Variants in RBFOX1 observed in about 807,000 individuals in gnomAD.
The protein encoded by RBFOX1 is RNA binding fox-1 homolog 1, also known as RNA binding protein fox-1 homolog 1.
In RBFOX1, 8 loss-of-function variants were observed where a neutral mutation model predicts 57.7. The ratio of observed to expected loss-of-function variants is 0.14; its 90% CI spans 0.08 to 0.25. The LOEUF (loss-of-function observed/expected upper bound fraction) is 0.25. Ranked by LOEUF, RBFOX1 falls within the 10% of genes least tolerant of loss-of-function variation. RBFOX1 has a pLI of 1.00. For missense variants in RBFOX1, 611 were observed against 548.5 expected (o/e 1.11, Z -1.14); for synonymous variants, 326 against 222.4 (o/e 1.47, Z -4.15).
intron 3 of RBFOX1, among the ~76,000 whole-genome samples, chr16:6,997,293 C>A (rs1430163592): frequency 1.3e-5 from 2 of 152,106 alleles, no homozygotes; most frequent in Admixed American, 6.6e-5. Flanking sequence ...GCCACCAATA[C>A]ATGTTTATAT....
intron 14 of RBFOX1, among the ~76,000 whole-genome samples, chr16:7,678,112 G>C (rs1414891242): frequency 6.6e-6 from 1 of 152,180 alleles, no homozygotes; most frequent in African/African-American, 2.4e-5. Context: ...TCTGCTATCT[G>C]GTTCTATGCA....
intron 3 of RBFOX1, among the ~76,000 whole-genome samples, chr16:5,794,658 C>T (rs139378702): frequency 2.8e-4 from 43 of 152,190 alleles, no homozygotes; most frequent in Non-Finnish European, 5.4e-4. Context: ...CTGGAGGAGT[C>T]GGGCGGCCCA....
intron 4 of RBFOX1, among the ~76,000 whole-genome samples, chr16:7,153,474 C>T (rs530574541): frequency 4.6e-5 from 7 of 152,106 alleles, no homozygotes; most frequent in Admixed American, 1.3e-4. Flanking sequence ...AGGTGGCTCA[C>T]GTCTGTAATC....
At chr16:6,264,673 G>C (rs1048323944) in intron 1 of RBFOX1, among the ~76,000 whole-genome samples, 1 of 152,082 alleles carries the variant, frequency 6.6e-6, no homozygotes, top group African/African-American at 2.4e-5. Flanking sequence ...TCAGTAATCC[G>C]GATCACTGGA....
intron 1 of RBFOX1, among the ~76,000 whole-genome samples, chr16:6,053,116 G>A (rs2095573413): frequency 6.6e-6 from 1 of 152,060 alleles, no homozygotes; most frequent in African/African-American, 2.4e-5. Flanking sequence ...TAACACTTGG[G>A]GCTGAGCGGT....
intron 4 of RBFOX1, among the ~76,000 whole-genome samples, chr16:7,133,143 C>G (rs745689476): frequency 2.0e-5 from 3 of 152,196 alleles, no homozygotes; most frequent in African/African-American, 7.2e-5. Context: ...ATACCAAGAT[C>G]CATGACCTAG....
chr16:7,313,689 G>C (rs1376604016), intron 4 of RBFOX1, among the ~76,000 whole-genome samples: 3 of 127,776 alleles, frequency 2.3e-5, no homozygotes, highest in Admixed American at 8.8e-5. Flanking sequence ...CTTTTACATG[G>C]ATTATCACAT....
At chr16:5,445,706 G>A (rs1238077506) in intron 1 of RBFOX1, among the ~76,000 whole-genome samples, 2 of 152,178 alleles carry the variant, frequency 1.3e-5, no homozygotes, top group Non-Finnish European at 2.9e-5. Context: ...CTGTTACTCA[G>A]TGTTCACATT....
chr16:7,135,593 C>T (rs1002779864), intron 4 of RBFOX1, among the ~76,000 whole-genome samples: 3 of 152,192 alleles, frequency 2.0e-5, no homozygotes, highest in Non-Finnish European at 4.4e-5. Context: ...ATTTTTGAAT[C>T]TCTGAGCATA....
rs143786837 is a variant in RBFOX1, at chr16:6,287,164, C to G, written c.-126-29831C>G. 1.4e-4 allele frequency among the ~76,000 whole-genome samples: 22 copies of G among 152,238 alleles called. 1 individual carries two copies. The East Asian group carries it at 4.1e-3, about 28-fold the overall frequency. Reference sequence around the variant, plus strand: ...CATTACCAACGACAGGCACAAAAAACTCCATTTGAATGCAAATTCAGCCTC... The same window carrying G: ...CATTACCAACGACAGGCACAAAAAAGTCCATTTGAATGCAAATTCAGCCTC... On this transcript the variant is annotated intron_variant, in intron 1 of 15. Transcript: ENST00000550418.
At chr16:6,669,961 T>A (rs920867055) in intron 3 of RBFOX1, among the ~76,000 whole-genome samples, 2 of 152,192 alleles carry the variant, frequency 1.3e-5, no homozygotes, top group African/African-American at 4.8e-5. Context: ...AGTCCACCTG[T>A]CAAAATAGCA....
intron 3 of RBFOX1, among the ~76,000 whole-genome samples, chr16:5,774,158 G>T (rs561729938): frequency 1.2e-4 from 19 of 152,288 alleles, no homozygotes; most frequent in Middle Eastern, 3.4e-3. Flanking sequence ...GGAGGAGTGG[G>T]TTTATCCCCA....
intron 3 of RBFOX1, among the ~76,000 whole-genome samples, chr16:6,969,156 C>G (rs2084954232): frequency 1.3e-5 from 2 of 152,088 alleles, no homozygotes; most frequent in South Asian, 4.2e-4. Context: ...AGCTGTCTGT[C>G]CCCAAAATAG....
intron 1 of RBFOX1, among the ~76,000 whole-genome samples, chr16:5,311,856 C>T (rs1463027180): frequency 1.3e-5 from 2 of 152,126 alleles, no homozygotes; most frequent in African/African-American, 2.4e-5. Flanking sequence ...CCCAGTTGTG[C>T]CTGGGAAGTA....
At chr16:7,432,836 C>A (rs762579636) in intron 4 of RBFOX1, among the ~76,000 whole-genome samples, 1 of 152,162 alleles carries the variant, frequency 6.6e-6, no homozygotes, top group Non-Finnish European at 1.5e-5. Context: ...CTGCTGCTTC[C>A]CAGCTTGTGA....
At chr16:6,558,109 C>G (rs961321455) in intron 2 of RBFOX1, among the ~76,000 whole-genome samples, 1 of 152,104 alleles carries the variant, frequency 6.6e-6, no homozygotes, top group African/African-American at 2.4e-5. Flanking sequence ...ATTATGTACT[C>G]CAAATCAGTG....
intron 3 of RBFOX1, among the ~76,000 whole-genome samples, chr16:6,915,760 C>T (rs1368577551): frequency 6.6e-6 from 1 of 152,056 alleles, no homozygotes; most frequent in Non-Finnish European, 1.5e-5. Context: ...CCATGTTGCC[C>T]ATGCTGCCCT....
intron 3 of RBFOX1, among the ~76,000 whole-genome samples, chr16:6,952,399 C>T (rs1295756911): frequency 6.6e-6 from 1 of 152,158 alleles, no homozygotes; most frequent in East Asian, 1.9e-4. Context: ...GTAATCCCAG[C>T]ACTTTGTGAG....
chr16:6,735,445 C>G (rs1006788275), intron 3 of RBFOX1, among the ~76,000 whole-genome samples: 1 of 152,158 alleles, frequency 6.6e-6, no homozygotes, highest in Non-Finnish European at 1.5e-5. Context: ...CTGTCTTAGT[C>G]TCTGCAGTGC....
Sources: gnomAD v4.1 joint callset for allele counts (sites outside exome capture counted in the v4.1 genomes callset) on GRCh38, gnomAD v4.1.1 for gene constraint, MANE v1.5 for transcripts, NCBI Gene and HGNC (gene_info 2026-07-23, HGNC 2026-07-21) for gene names.